Variants in ERMP1 observed in about 807,000 individuals in gnomAD.
ERMP1 encodes the protein Felix-ina.
A neutral mutation model predicts 92.0 loss-of-function variants in ERMP1; 86 were observed. The observed-to-expected ratio is 0.93, with a 90% CI of 0.79 to 1.12. ERMP1 has a LOEUF of 1.12. ERMP1 is among the 50% of genes most tolerant of loss of function. The probability of loss-of-function intolerance (pLI) is 0.00; values close to 1 mark genes in which losing one functional copy is unlikely to be tolerated. For missense variants in ERMP1, 1,342 were observed against 1,116.3 expected, an observed-to-expected ratio of 1.20 and a Z score of -2.88; for synonymous variants, 530 against 412.8, an observed-to-expected ratio of 1.28 and a Z score of -3.44.
At chr9:5,852,063 T>C (rs1246660203) in intron 6 of ERMP1, among the ~76,000 whole-genome samples, 1 of 152,210 alleles carries the variant, frequency 6.6e-6, no homozygotes, top group Non-Finnish European at 1.5e-5. Context: ...TACTTTTATC[T>C]AAGCAACATA....
rs750024991 is a variant in ERMP1, at chr9:5,801,213, TTGGAGCTATA to T, written c.2020_2029del (p.Tyr674IlefsTer15). On this transcript the variant is annotated frameshift_variant, in exon 11 of 15. Transcript: ENST00000339450. LOFTEE classifies it high-confidence loss of function. Reference sequence around the variant, plus strand: ...TCTCTTTGGCTTCGGATTAGCAGGATTGGAGCTATATGGAAAAAATGTTCCACTGCAAACA... The same window carrying T: ...TCTCTTTGGCTTCGGATTAGCAGGATTGGAAAAAATGTTCCACTGCAAACA... 3 of 1,613,736 alleles carry T rather than the reference TTGGAGCTATA, an allele frequency of 1.9e-6. No individual in the cohort carries two copies. In the South Asian group the frequency reaches 3.3e-5, roughly 18 times the overall value.
chr9:5,788,252 C>G (rs1235504676), intron 13 of ERMP1, among the ~76,000 whole-genome samples: 2 of 152,208 alleles, frequency 1.3e-5, no homozygotes, highest in African/African-American at 2.4e-5. Flanking sequence ...TGTGCCCACC[C>G]TGCTTCTGCT....
chr9:5,833,034 G>A lies in ERMP1; in HGVS notation c.-7C>T, dbSNP rs748406835. 2.1e-5 allele frequency: 32 copies of A among 1,499,478 alleles called. No individual in the cohort carries two copies. In the African/African-American group the frequency reaches 2.9e-4, roughly 14 times the overall value. 92.9% of individuals were successfully genotyped at this position (1,499,478 alleles called of 1,614,324 possible). A position where few individuals can be genotyped will look rare whatever the true frequency, so the allele number is the denominator to read the frequency against. ...ACTCAGAACCCCACTCCATGGCCACGAGCCTCAGCTGCCAGCCCAACCGCC... is the reference window on the plus strand; with the variant it reads ...ACTCAGAACCCCACTCCATGGCCACAAGCCTCAGCTGCCAGCCCAACCGCC... On this transcript the variant is annotated 5_prime_UTR_variant, in exon 1 of 15. Coordinates refer to ENST00000339450, the MANE Select transcript of ERMP1 (RefSeq NM_024896.3).
At chr9:5,827,382 A>C (rs1586820381) in intron 2 of ERMP1, among the ~76,000 whole-genome samples, 1 of 152,236 alleles carries the variant, frequency 6.6e-6, no homozygotes, top group South Asian at 2.1e-4. Flanking sequence ...AATTGAAAAA[A>C]AAATCTCACG....
upstream of ERMP1, among the ~76,000 whole-genome samples, chr9:5,836,278 C>T (rs1586832636): frequency 6.6e-6 from 1 of 152,308 alleles, no homozygotes; most frequent in Admixed American, 6.5e-5. Context: ...AGCCTGTGTA[C>T]TTTCTTCCTT....
intron 6 of ERMP1, among the ~76,000 whole-genome samples, chr9:5,838,814 G>C (rs78011447): frequency 1.3e-5 from 2 of 151,148 alleles, no homozygotes; most frequent in Non-Finnish European, 2.9e-5. Flanking sequence ...AAAAAAAAAA[G>C]ACACAAAATG....
chr9:5,851,178 T>C (rs113041055), intron 6 of ERMP1, among the ~76,000 whole-genome samples: 2,481 of 152,332 alleles, frequency 0.016, 76 homozygotes, highest in East Asian at 0.13. Flanking sequence ...CATCTTGTAA[T>C]TGATTTGTTC....
chr9:5,801,779 A>G lies in ERMP1; in HGVS notation c.1915-451T>C, dbSNP rs139992495. Among the ~76,000 whole-genome samples the G allele has an allele frequency of 2.7e-3, 412 of 152,272 alleles. 1 individual carries two copies. The highest frequency in any genetic ancestry group is 9.4e-3 in the African/African-American group (389 of 41,550). On this transcript the variant is annotated intron_variant, in intron 10 of 14. Transcript: ENST00000339450. ...AAATACTAAATTCATCTCAACTGGC[A>G]TAGAGATGTACCTTCAAGACTCTGC...
chr9:5,853,157 A>C (rs1361284961), intron 6 of ERMP1, among the ~76,000 whole-genome samples: 1 of 152,218 alleles, frequency 6.6e-6, no homozygotes, highest in Non-Finnish European at 1.5e-5. Context: ...AACTCATCTC[A>C]GTGCCAGTTT....
Position 5,832,812 on chromosome 9 carries a change from G to C in ERMP1, c.216C>G (p.Arg72=). 1.3e-6 allele frequency: 2 copies of C among 1,501,714 alleles called. No individual in the cohort carries two copies. Among genetic ancestry groups the C allele is most frequent in the South Asian group, 1.2e-5 (1 of 80,336 alleles). The allele number at this position is 1,501,714 out of a possible 1,614,324, so 93.0% of individuals were successfully genotyped here. A position where few individuals can be genotyped will look rare whatever the true frequency, so the allele number is the denominator to read the frequency against. The change falls in exon 1 of 15, where the codon CGC becomes CGG. Residue 72 remains arginine (R), a synonymous_variant. Transcript: ENST00000339450. ...GGTAGAGCGCGAGCCCCAGCGCGGCGCGCACCTCAGACAGCCCGGTCCCCG... is the reference window on the plus strand; with the variant it reads ...GGTAGAGCGCGAGCCCCAGCGCGGCCCGCACCTCAGACAGCCCGGTCCCCG... ...RGAGTGLSEV[R]AALGLALYLI... is the part of the protein sequence containing the mutation.
At position 5,805,525 on chromosome 9, in the gene ERMP1, A is replaced by G. The variant is rs1828836729; in HGVS notation, c.1723+86T>C. The G allele has an allele frequency of 6.3e-6, 8 of 1,270,986 alleles. No homozygotes were observed. The South Asian group carries it at 1.0e-4, about 16-fold the overall frequency. 78.7% of individuals were successfully genotyped at this position (1,270,986 alleles called of 1,614,324 possible). On this transcript the variant is annotated intron_variant, in intron 9 of 14. Transcript: ENST00000339450. ...AACTAACAATTTAGAAAGCCTACCC[A>G]ATAAAACCAAAAAAGAAAGAGTCCC... is the stretch of plus-strand genomic sequence containing the variant.
chr9:5,790,652 G>A (rs1475118283), intron 13 of ERMP1, among the ~76,000 whole-genome samples: 1 of 152,146 alleles, frequency 6.6e-6, no homozygotes, highest in African/African-American at 2.4e-5. Context: ...AGAATTCAAG[G>A]CAAAGGCATT....
intron 10 of ERMP1, among the ~76,000 whole-genome samples, chr9:5,802,276 G>C (rs939123530): frequency 9.9e-5 from 15 of 152,096 alleles, no homozygotes; most frequent in African/African-American, 3.6e-4. Context: ...CCTCTGGATG[G>C]AATATTGGTA....
At chr9:5,819,928 T>C (rs1346020156) in intron 4 of ERMP1, among the ~76,000 whole-genome samples, 1 of 152,106 alleles carries the variant, frequency 6.6e-6, no homozygotes, top group Non-Finnish European at 1.5e-5. Context: ...ATTCTAAAAT[T>C]GATTATGATG....
chr9:5,810,358 A>G, intron 7 of ERMP1, 127 bp from the exon 8 acceptor site: 1 of 647,032 alleles, frequency 1.5e-6, no homozygotes, highest in Non-Finnish European at 2.7e-6. Context: ...AAGTATGAAA[A>G]TGTCCTAGTG....
At chr9:5,831,170 A>G in intron 1 of ERMP1, 142 bp from the exon 2 acceptor site, 1 of 626,968 alleles carries the variant, frequency 1.6e-6, no homozygotes, top group Non-Finnish European at 2.8e-6. Context: ...TCATTATTTC[A>G]GACACCAAGT....
At chr9:5,830,488 C>G (rs1011054289) in intron 2 of ERMP1, among the ~76,000 whole-genome samples, 1 of 152,142 alleles carries the variant, frequency 6.6e-6, no homozygotes, top group African/African-American at 2.4e-5. Flanking sequence ...CATTCCAAGT[C>G]TTATCACTGG....
rs944363084 is a variant in ERMP1, at chr9:5,787,442, C to A, written c.2538G>T (p.Trp846Cys). The A allele has an allele frequency of 6.2e-7, 1 of 1,612,950 alleles. No individual in the cohort carries two copies. Among genetic ancestry groups the A allele is most frequent in the African/African-American group, 1.3e-5 (1 of 74,802 alleles). Residue 846 changes from tryptophan to cysteine, a missense_variant, in exon 14 of 15, where the codon TGG (tryptophan) becomes TGT (cysteine). Transcript: ENST00000339450. ...HGLQASAWQF[W>C]IEVQVSEEHP... is the part of the protein sequence containing the mutation. ...GGGAAATTGGCACCTGCACTTCTATCCAGAACTGCCATGCAGAGGCCTGGA... is the reference window on the plus strand; with the variant it reads ...GGGAAATTGGCACCTGCACTTCTATACAGAACTGCCATGCAGAGGCCTGGA...
chr9:5,816,608 C>T (rs1829316094), intron 4 of ERMP1, among the ~76,000 whole-genome samples: 1 of 152,118 alleles, frequency 6.6e-6, no homozygotes, highest in Non-Finnish European at 1.5e-5. Flanking sequence ...TATGACCCAG[C>T]GATTCCACTC....
Sources: allele counts gnomAD v4.1 joint callset (sites outside exome capture counted in the v4.1 genomes callset), GRCh38; gene constraint gnomAD v4.1.1; transcripts MANE v1.5; gene names NCBI Gene and HGNC (gene_info 2026-07-23, HGNC 2026-07-21).